Variants in ZEB2 observed in about 807,000 individuals in gnomAD.
The protein encoded by ZEB2 is zinc finger E-box-binding homeobox 2.
A neutral mutation model predicts 99.9 loss-of-function variants in ZEB2; 6 were observed. The ratio of observed to expected loss-of-function variants is 0.06; its 90% CI spans 0.03 to 0.12. The LOEUF is 0.12. Ranked by LOEUF, ZEB2 falls within the 10% of genes least tolerant of loss-of-function variation. ZEB2 has a pLI of 1.00. For missense variants in ZEB2, 969 were observed against 1,502.8 expected (o/e 0.64, Z 5.87); for synonymous variants, 517 against 542.5 (o/e 0.95, Z 0.65).
intron 4 of ZEB2, among the ~76,000 whole-genome samples, chr2:144,409,606 T>C (rs952799748): frequency 2.1e-4 from 32 of 152,290 alleles, no homozygotes; most frequent in African/African-American, 7.0e-4. Context: ...AGATTTTGCA[T>C]TTAGTCCTAA....
At position 144,497,974 on chromosome 2, in the gene ZEB2, ATT is replaced by A. The variant is rs1309003483; in HGVS notation, c.73+19302_73+19303del. Among the ~76,000 whole-genome samples the A allele has an allele frequency of 5.7e-3, 10 of 1,764 alleles. 2 individuals are homozygous for A. Among genetic ancestry groups the A allele is most frequent in the African/African-American group, 0.012 (7 of 586 alleles). 1.2% of individuals were successfully genotyped at this position (1,764 alleles called of 152,430 possible). A position where few individuals can be genotyped will look rare whatever the true frequency, so the allele number is the denominator to read the frequency against. On this transcript the variant is annotated intron_variant, in intron 2 of 9. Coordinates refer to ENST00000627532, the MANE Select transcript of ZEB2 (RefSeq NM_014795.4). ...TATATAATATATATTAATATTATAT[ATT>A]ATATAATATATTAATATTATATATT...
intron 4 of ZEB2, chr2:144,424,228 A>G (rs1703659345): frequency 2.7e-6 from 1 of 369,114 alleles, no homozygotes; most frequent in African/African-American, 2.1e-5. Flanking sequence ...ATTAAAAATA[A>G]GTAAACTTGT....
At chr2:144,423,213 T>C (rs1206870896) in intron 4 of ZEB2, among the ~76,000 whole-genome samples, 3 of 152,208 alleles carry the variant, frequency 2.0e-5, no homozygotes, top group Non-Finnish European at 4.4e-5. Flanking sequence ...AGTAAATTGT[T>C]ACTTTGTGGG....
chr2:144,435,575 G>A (rs915399718), intron 2 of ZEB2, among the ~76,000 whole-genome samples: 6 of 150,978 alleles, frequency 4.0e-5, no homozygotes, highest in Non-Finnish European at 7.4e-5. Flanking sequence ...CTCCAGCCTG[G>A]GCAACAGAAT....
At chr2:144,404,268 CCCCCTCGCACACCAGT>C in intron 5 of ZEB2, 138 bp from the exon 6 acceptor site, 1 of 917,824 alleles carries the variant, frequency 1.1e-6, no homozygotes, top group East Asian at 2.6e-5. Context: ...TTGCACCCGG[CCCCCTCGCACACCAGT>C]CCCCTCGCAT....
intron 2 of ZEB2, chr2:144,464,160 C>T (rs1030677895): frequency 3.3e-5 from 5 of 152,152 alleles, no homozygotes; most frequent in Non-Finnish European, 2.9e-5. Context: ...ATCATGTTTG[C>T]CTTACCTCTC....
intron 9 of ZEB2, among the ~76,000 whole-genome samples, chr2:144,393,601 G>T (rs1055786398): frequency 1.3e-5 from 2 of 152,162 alleles, no homozygotes; most frequent in Non-Finnish European, 2.9e-5. Context: ...TATCCCACAG[G>T]TTCAATTGGG....
intron 2 of ZEB2, chr2:144,463,247 A>G (rs891455781): frequency 6.6e-6 from 1 of 152,186 alleles, no homozygotes; most frequent in Non-Finnish European, 1.5e-5. Flanking sequence ...GAAAAACTAT[A>G]TAATATAAAC....
chr2:144,415,627 A>C (rs909132221), intron 4 of ZEB2, among the ~76,000 whole-genome samples: 3 of 151,820 alleles, frequency 2.0e-5, no homozygotes, highest in African/African-American at 7.3e-5. Flanking sequence ...GGGTCAACAA[A>C]CTCCTTAATT....
chr2:144,517,507 C>G, intron 1 of ZEB2, 88 bp from the exon 2 acceptor site: 1 of 840,654 alleles, frequency 1.2e-6, no homozygotes, highest in East Asian at 2.6e-5. Flanking sequence ...GCCAGGGCCC[C>G]GGCGAGCACC....
intron 2 of ZEB2, among the ~76,000 whole-genome samples, chr2:144,464,631 T>C (rs1416563250): frequency 6.6e-6 from 1 of 152,230 alleles, no homozygotes; most frequent in African/African-American, 2.4e-5. Flanking sequence ...TAATTGTTTT[T>C]TTGGCATCTG....
intron 4 of ZEB2, among the ~76,000 whole-genome samples, chr2:144,419,502 T>C (rs1030145637): frequency 1.3e-5 from 2 of 152,276 alleles, no homozygotes; most frequent in African/African-American, 2.4e-5. Flanking sequence ...AGGGCCCTAT[T>C]TGGATATTGA....
intron 4 of ZEB2, among the ~76,000 whole-genome samples, chr2:144,419,797 A>C (rs1703595179): frequency 6.6e-6 from 1 of 152,208 alleles, no homozygotes; most frequent in South Asian, 2.1e-4. Context: ...TTAAAAAAAA[A>C]TAAAAACTGG....
At chr2:144,480,064 T>C (rs1450063720) in intron 2 of ZEB2, among the ~76,000 whole-genome samples, 2 of 152,096 alleles carry the variant, frequency 1.3e-5, no homozygotes, top group Admixed American at 1.3e-4. Flanking sequence ...ACGAATAAAA[T>C]ACACTCTGAA....
chr2:144,471,029 G>T (rs116456524), intron 2 of ZEB2, among the ~76,000 whole-genome samples: 6 of 152,214 alleles, frequency 3.9e-5, no homozygotes, highest in Non-Finnish European at 1.5e-5. Context: ...TCATTGCAAA[G>T]CCTGAATCAC....
At chr2:144,441,124 T>G (rs1181224928) in intron 2 of ZEB2, among the ~76,000 whole-genome samples, 2 of 141,582 alleles carry the variant, frequency 1.4e-5, no homozygotes, top group Non-Finnish European at 3.0e-5. Context: ...AGTCGTTCAA[T>G]GATCACCCTC....
chr2:144,401,189 T>G lies in ZEB2; in HGVS notation c.916+10A>C. 1 of 1,612,586 alleles carries G rather than the reference T, an allele frequency of 6.2e-7. No individual in the cohort carries two copies. The highest frequency in any genetic ancestry group is 8.5e-7 in the Non-Finnish European group (1 of 1,178,556). ...ATGCAAATGCGAGCTCCAGCACCTC[T>G]GCTACTCACCACTGTGAATTCGCAG... On this transcript the variant is annotated intron_variant, in intron 7 of 9. Transcript: ENST00000627532.
chr2:144,443,225 G>C (rs1418044512), intron 2 of ZEB2, among the ~76,000 whole-genome samples: 1 of 152,084 alleles, frequency 6.6e-6, no homozygotes, highest in Non-Finnish European at 1.5e-5. Flanking sequence ...TTAAAGGGAA[G>C]ATATATGGCA....
intron 4 of ZEB2, among the ~76,000 whole-genome samples, chr2:144,408,939 GT>G (rs3835994): frequency 4.0e-5 from 6 of 149,940 alleles, no homozygotes; most frequent in East Asian, 3.9e-4. Context: ...CATCAAGGCA[GT>G]TTTTTTTTTC....
Sources: gnomAD v4.1 joint callset for allele counts (sites outside exome capture counted in the v4.1 genomes callset) on GRCh38, gnomAD v4.1.1 for gene constraint, MANE v1.5 for transcripts, NCBI Gene and HGNC (gene_info 2026-07-23, HGNC 2026-07-21) for gene names.